Variants in CSF1R observed in about 807,000 individuals in gnomAD.
The protein encoded by CSF1R is macrophage colony-stimulating factor 1 receptor.
In CSF1R, 40 loss-of-function variants were observed where a neutral mutation model predicts 110.0. The ratio of observed to expected loss-of-function variants is 0.36; its 90% CI spans 0.28 to 0.47. The LOEUF is 0.47. CSF1R is among the 20% of genes least tolerant of loss of function. The probability of loss-of-function intolerance (pLI) is 0.99; values close to 1 mark genes in which losing one functional copy is unlikely to be tolerated. For synonymous variants in CSF1R, 523 were observed against 503.4 expected (o/e 1.04, Z -0.52); for missense variants, 1,052 against 1,253.0 (o/e 0.84, Z 2.42).
intron 1 of CSF1R, among the ~76,000 whole-genome samples, chr5:150,097,021 G>C (rs1052910290): frequency 1.3e-5 from 2 of 152,172 alleles, no homozygotes; most frequent in African/African-American, 2.4e-5. Flanking sequence ...CAGCACTTTG[G>C]GGGGCCAACG....
At chr5:150,099,182 A>G (rs1759321771) in intron 1 of CSF1R, among the ~76,000 whole-genome samples, 1 of 151,260 alleles carries the variant, frequency 6.6e-6, no homozygotes, top group South Asian at 2.1e-4. Context: ...TGCTGGGATT[A>G]CAGGCGTGAG....
At position 150,078,205 on chromosome 5, in the gene CSF1R, C is replaced by T; in HGVS notation, c.636G>A (p.Leu212=). The change falls in exon 4 of 21, where the codon CTG becomes CTA. Residue 212 remains leucine, a synonymous_variant. Coordinates refer to ENST00000675795, the MANE Select transcript of CSF1R (RefSeq NM_001288705.3). ...PPALTLVPAE[L]VRIRGEAAQI... ...GGGCAGCCTCCCCTCGAATCCGCAC[C>T]AGCTCTGCAGGCACCAGTGTCAAGG... 1 of 1,614,120 alleles carries T rather than the reference C, an allele frequency of 6.2e-7. No individual in the cohort carries two copies. Among genetic ancestry groups the T allele is most frequent in the African/African-American group, 1.3e-5 (1 of 75,030 alleles).
At chr5:150,091,906 G>A (rs561539869) in intron 1 of CSF1R, among the ~76,000 whole-genome samples, 4 of 145,094 alleles carry the variant, frequency 2.8e-5, no homozygotes, top group Non-Finnish European at 6.0e-5. Flanking sequence ...TTAGGTAAAA[G>A]GAGTATGATA....
chr5:150,110,059 A>C (rs2113872169), intron 1 of CSF1R, among the ~76,000 whole-genome samples: 1 of 137,214 alleles, frequency 7.3e-6, no homozygotes, highest in Middle Eastern at 4.3e-3. Context: ...CACCAGTCCT[A>C]ATCAGTTCAC....
chr5:150,057,689 A>T (rs1757294498), intron 14 of CSF1R, 97 bp from the exon 15 acceptor site: 1 of 832,946 alleles, frequency 1.2e-6, no homozygotes. Context: ...GTCAACTGGA[A>T]CCTCCCTTTC....
At chr5:150,056,644 G>A (rs1168673195) in intron 16 of CSF1R, among the ~76,000 whole-genome samples, 2 of 152,030 alleles carry the variant, frequency 1.3e-5, no homozygotes, top group Non-Finnish European at 2.9e-5. Context: ...TCCGTGCAGA[G>A]AGCAGTCTCC....
At chr5:150,059,887 G>T in intron 13 of CSF1R, 25 bp from the exon 14 acceptor site, 1 of 1,592,870 alleles carries the variant, frequency 6.3e-7, no homozygotes, top group South Asian at 1.1e-5. Flanking sequence ...GGTGTGGGGT[G>T]AGGGAGGTGC....
At chr5:150,059,998 A>G in intron 13 of CSF1R, 136 bp from the exon 14 acceptor site, 1 of 998,462 alleles carries the variant, frequency 1.0e-6, no homozygotes, top group East Asian at 2.5e-5. Context: ...TCTGTGAGCA[A>G]GTTTCCTTGT....
chr5:150,108,757 C>T (rs1014984352), intron 1 of CSF1R, among the ~76,000 whole-genome samples: 1 of 152,148 alleles, frequency 6.6e-6, no homozygotes, highest in Non-Finnish European at 1.5e-5. Flanking sequence ...CAAAGGGGAG[C>T]TGGGCAAGGG....
At chr5:150,057,138 T>A (rs1426556655) in intron 16 of CSF1R, 149 bp downstream of exon 16, 2 of 661,644 alleles carry the variant, frequency 3.0e-6, no homozygotes. Flanking sequence ...CACTCATCCT[T>A]GCAGCTGCTG....
intron 1 of CSF1R, among the ~76,000 whole-genome samples, chr5:150,105,487 G>T (rs1200802087): frequency 6.7e-6 from 1 of 150,336 alleles, no homozygotes; most frequent in Non-Finnish European, 1.5e-5. Context: ...AAATGCTGGG[G>T]TTACAGGCGT....
At chr5:150,061,299 C>G (rs1757508001) in intron 12 of CSF1R, among the ~76,000 whole-genome samples, 192 bp downstream of exon 12, 1 of 152,138 alleles carries the variant, frequency 6.6e-6, no homozygotes, top group African/African-American at 2.4e-5. Flanking sequence ...AAAGGGTGAC[C>G]TAGACCTTCT....
intron 1 of CSF1R, among the ~76,000 whole-genome samples, chr5:150,085,585 C>T (rs1271728007): frequency 6.6e-6 from 1 of 152,112 alleles, no homozygotes; most frequent in Non-Finnish European, 1.5e-5. Flanking sequence ...GCCTGGGGAC[C>T]TCCTGAGACT....
At chr5:150,055,438 C>G in intron 18 of CSF1R, 102 bp from the exon 19 acceptor site, 6 of 897,072 alleles carry the variant, frequency 6.7e-6, no homozygotes, top group Non-Finnish European at 1.1e-5. Flanking sequence ...TCCCACTTGA[C>G]AACACTGCAA....
At chr5:150,111,658 T>C (rs1032382582) in intron 1 of CSF1R, among the ~76,000 whole-genome samples, 3 of 152,216 alleles carry the variant, frequency 2.0e-5, no homozygotes, top group Admixed American at 6.5e-5. Flanking sequence ...TTTACCTCCC[T>C]GAGTGCTGAC....
intron 1 of CSF1R, among the ~76,000 whole-genome samples, chr5:150,084,990 A>T (rs1561947120): frequency 6.6e-6 from 1 of 152,066 alleles, no homozygotes; most frequent in Non-Finnish European, 1.5e-5. Context: ...GCAAAATAAG[A>T]AGTCCAGGCC....
At chr5:150,077,585 G>C (rs969802848) in intron 4 of CSF1R, 150 bp from the exon 5 acceptor site, 50 of 836,954 alleles carry the variant, frequency 6.0e-5, no homozygotes, top group Non-Finnish European at 8.7e-5. Context: ...CTGGCTCCCT[G>C]CCCCAAGACT....
intron 14 of CSF1R, 68 bp downstream of exon 14, chr5:150,059,632 G>C (rs1757410692): frequency 6.3e-7 from 1 of 1,577,116 alleles, no homozygotes; most frequent in Admixed American, 1.7e-5. Flanking sequence ...CCCTGAGCTG[G>C]CTTTGAAGAC....
chr5:150,078,042 A>G, intron 4 of CSF1R, 70 bp downstream of exon 4: 10 of 1,592,170 alleles, frequency 6.3e-6, no homozygotes, highest in Non-Finnish European at 8.6e-6. Flanking sequence ...GGGGCCCAGG[A>G]CTCCACCATG....
Sources: gnomAD v4.1 joint callset for allele counts (sites outside exome capture counted in the v4.1 genomes callset) on GRCh38, gnomAD v4.1.1 for gene constraint, MANE v1.5 for transcripts, NCBI Gene and HGNC (gene_info 2026-07-23, HGNC 2026-07-21) for gene names.